The following PIWIL1 variants were observed in gnomAD, a reference collection of about 807,000 sequenced individuals.
PIWIL1 encodes piwi like RNA-mediated gene silencing 1.
A neutral mutation model predicts 114.4 loss-of-function variants in PIWIL1; 73 were observed. That is an observed-to-expected ratio of 0.64 (90% confidence interval 0.53 to 0.78). The LOEUF is 0.78. PIWIL1 is among the 30% of genes least tolerant of loss of function. The pLI is 0.00. For synonymous variants in PIWIL1, 375 were observed against 369.0 expected, an observed-to-expected ratio of 1.02 and a Z score of -0.19; for missense variants, 723 against 1,063.1, an observed-to-expected ratio of 0.68 and a Z score of 4.45.
chr12:130,391,651 A>G, the PIWIL1 span, among the ~76,000 whole-genome samples: 1 of 152,124 alleles, frequency 6.6e-6, no homozygotes, highest in African/African-American at 2.4e-5. Context: ...GCTGGAGGCA[A>G]AGACCCCAGC....
chr12:130,381,648 A>T, the PIWIL1 span, among the ~76,000 whole-genome samples: 1 of 152,222 alleles, frequency 6.6e-6, no homozygotes, highest in African/African-American at 2.4e-5. Flanking sequence ...TCTTGTATGG[A>T]TACACCTTTT....
At chr12:130,354,409 T>G in intron 9 of PIWIL1, 128 bp from the exon 10 acceptor site, 1 of 1,196,636 alleles carries the variant, frequency 8.4e-7, no homozygotes, top group South Asian at 1.4e-5. Flanking sequence ...AACTTTACTC[T>G]GAAGCTATTA....
intron 19 of PIWIL1, among the ~76,000 whole-genome samples, chr12:130,369,283 T>C (rs1337820753): frequency 3.3e-5 from 5 of 152,222 alleles, no homozygotes; most frequent in African/African-American, 1.2e-4. Context: ...ACATTTTCTT[T>C]ATCTGGTCTC....
chr12:130,390,159 T>C, the PIWIL1 span, among the ~76,000 whole-genome samples: 1 of 152,232 alleles, frequency 6.6e-6, no homozygotes. Flanking sequence ...TTTTTTCTGT[T>C]ACTCAGCTTC....
At chr12:130,382,841 C>G in the PIWIL1 span, among the ~76,000 whole-genome samples, 2 of 152,100 alleles carry the variant, frequency 1.3e-5, no homozygotes, top group Non-Finnish European at 2.9e-5. Context: ...TCAAATAATA[C>G]TACAGAAAGC....
downstream of PIWIL1, among the ~76,000 whole-genome samples, chr12:130,376,375 A>T (rs940391558): frequency 3.3e-5 from 5 of 152,238 alleles, no homozygotes; most frequent in African/African-American, 1.2e-4. Context: ...AAAACACTGT[A>T]TATGCCTGAG....
chr12:130,375,102 T>A (rs967223783), downstream of PIWIL1, among the ~76,000 whole-genome samples: 2 of 152,148 alleles, frequency 1.3e-5, no homozygotes, highest in Non-Finnish European at 2.9e-5. Context: ...TCCCCCTCCC[T>A]TTGCCACTTT....
chr12:130,419,365 C>T, the PIWIL1 span, among the ~76,000 whole-genome samples: 7,615 of 152,196 alleles, frequency 0.05, 260 homozygotes, highest in Middle Eastern at 0.099. The surrounding 1 kb of genome is among the most constrained non-coding windows in gnomAD (Gnocchi z 4.3). Flanking sequence ...CATGCCTGGA[C>T]GCCTGGGTGG....
intron 19 of PIWIL1, among the ~76,000 whole-genome samples, chr12:130,367,958 G>A (rs1042971402): frequency 1.3e-5 from 2 of 152,092 alleles, no homozygotes; most frequent in Non-Finnish European, 2.9e-5. Context: ...CCACCATGCC[G>A]AGCTAATTTT....
the PIWIL1 span, among the ~76,000 whole-genome samples, chr12:130,377,660 G>A: frequency 1.3e-5 from 2 of 152,234 alleles, no homozygotes; most frequent in African/African-American, 2.4e-5. Flanking sequence ...AGTCCATCCT[G>A]GCCATGTCCC....
At chr12:130,341,988 A>T (rs2072928878) in intron 1 of PIWIL1, among the ~76,000 whole-genome samples, 1 of 152,158 alleles carries the variant, frequency 6.6e-6, no homozygotes, top group African/African-American at 2.4e-5. Context: ...TGGTGATGCC[A>T]CTCACCAAGA....
intron 19 of PIWIL1, among the ~76,000 whole-genome samples, chr12:130,368,937 G>C (rs570672479): frequency 6.6e-6 from 1 of 151,654 alleles, no homozygotes; most frequent in South Asian, 2.1e-4. Context: ...GGACGTACAG[G>C]TTTGTTACAT....
chr12:130,391,098 C>T, the PIWIL1 span, among the ~76,000 whole-genome samples: 20 of 152,292 alleles, frequency 1.3e-4, no homozygotes, highest in South Asian at 1.2e-3. Flanking sequence ...TGGCTGTGGG[C>T]GTCTCACTGT....
chr12:130,371,855 G>A lies in PIWIL1; in HGVS notation c.*257G>A, dbSNP rs2136204415. 1 of 249,428 alleles carries A rather than the reference G, an allele frequency of 4.0e-6. No homozygotes were observed. Among genetic ancestry groups the A allele is most frequent in the East Asian group, 9.4e-5 (1 of 10,650 alleles). The allele number at this position is 249,428 out of a possible 1,614,324, so 15.5% of individuals were successfully genotyped here. ...TTTTTTGTTTATTTTGAAGAAATGTGGATAAGATACTTGGTAGTATAAAAC... is the reference window on the plus strand; with the variant it reads ...TTTTTTGTTTATTTTGAAGAAATGTAGATAAGATACTTGGTAGTATAAAAC... On this transcript the variant is annotated 3_prime_UTR_variant, in exon 21 of 21. Transcript: ENST00000245255.
chr12:130,349,539 G>T (rs939257843), intron 8 of PIWIL1, 103 bp downstream of exon 8: 2 of 778,402 alleles, frequency 2.6e-6, no homozygotes, highest in African/African-American at 3.5e-5. Flanking sequence ...TTGAGTGGTG[G>T]GAATAGCACA....
chr12:130,349,575 C>T, intron 8 of PIWIL1, 139 bp downstream of exon 8: 1 of 641,858 alleles, frequency 1.6e-6, no homozygotes, highest in Non-Finnish European at 2.7e-6. Context: ...TATTTTTCAG[C>T]TTTCCCAGGA....
At chr12:130,371,392 G>A in intron 20 of PIWIL1, 69 bp downstream of exon 20, 2 of 1,611,668 alleles carry the variant, frequency 1.2e-6, no homozygotes, top group Non-Finnish European at 1.7e-6. Context: ...AATAGCTGTG[G>A]TTTAAAAGGC....
chr12:130,375,656 C>T (rs1005041227), downstream of PIWIL1, among the ~76,000 whole-genome samples: 3 of 152,132 alleles, frequency 2.0e-5, no homozygotes, highest in Admixed American at 2.0e-4. Context: ...TTTTCCTATT[C>T]ATTCCCAACA....
the PIWIL1 span, among the ~76,000 whole-genome samples, chr12:130,421,691 A>ATGTGTGTGTGTGTGTGTGTGTGTGTGTG: frequency 2.0e-5 from 3 of 147,188 alleles, no homozygotes; most frequent in African/African-American, 7.6e-5. Context: ...CTGCATTTAT[A>ATGTGTGTGTGTGTGTGTGTGTGTGTGTG]TGTGTGTGTG....
Sources: gnomAD v4.1 joint callset for allele counts (sites outside exome capture counted in the v4.1 genomes callset) on GRCh38, gnomAD v4.1.1 for gene constraint, Gnocchi (gnomAD v3.1) non-coding constraint, MANE v1.5 for transcripts, NCBI Gene and HGNC (gene_info 2026-07-23, HGNC 2026-07-21) for gene names.